The following IGF1R variants were observed in gnomAD, a reference collection of about 807,000 sequenced individuals.
IGF1R encodes the protein insulin-like growth factor 1 receptor.
In IGF1R, 44 loss-of-function variants were observed where a neutral mutation model predicts 144.6. That is an observed-to-expected ratio of 0.30 (90% CI 0.24 to 0.39). The LOEUF is 0.39. Among genes scored for constraint, IGF1R ranks in the 10% least tolerant of loss-of-function variants. The pLI is 1.00. For missense variants in IGF1R, 1,355 were observed against 1,833.7 expected, an observed-to-expected ratio of 0.74 and a Z score of 4.77; for synonymous variants, 795 against 722.8, an observed-to-expected ratio of 1.10 and a Z score of -1.60.
intron 20 of IGF1R, among the ~76,000 whole-genome samples, chr15:98,953,965 G>A (rs1031274655): frequency 1.1e-4 from 17 of 152,298 alleles, no homozygotes; most frequent in African/African-American, 3.6e-4. Context: ...TGGCTGAGGC[G>A]TGGTTCCTAA....
intron 1 of IGF1R, among the ~76,000 whole-genome samples, chr15:98,702,576 C>T (rs573745255): frequency 2.6e-5 from 4 of 152,270 alleles, no homozygotes; most frequent in South Asian, 2.1e-4. Flanking sequence ...GATCTACCTG[C>T]CTTGGGCTAC....
intron 1 of IGF1R, among the ~76,000 whole-genome samples, chr15:98,683,025 C>T (rs2053230625): frequency 6.6e-6 from 1 of 150,668 alleles, no homozygotes; most frequent in Admixed American, 6.7e-5. Context: ...CTCGTGTGCA[C>T]TGCTAGATAT....
intron 2 of IGF1R, among the ~76,000 whole-genome samples, chr15:98,832,103 T>G (rs1203554069): frequency 6.6e-6 from 1 of 152,194 alleles, no homozygotes; most frequent in Non-Finnish European, 1.5e-5. Context: ...GATCCTTTTC[T>G]TTAGACTCCA....
chr15:98,756,985 C>A (rs1156717432), intron 2 of IGF1R, among the ~76,000 whole-genome samples: 1 of 152,134 alleles, frequency 6.6e-6, no homozygotes, highest in Admixed American at 6.5e-5. Flanking sequence ...TTACTTGCAT[C>A]CAAGTACATG....
intron 13 of IGF1R, among the ~76,000 whole-genome samples, chr15:98,926,984 C>G (rs537620218): frequency 1.3e-5 from 2 of 152,248 alleles, no homozygotes; most frequent in Admixed American, 1.3e-4. Context: ...CCTCCATCTC[C>G]TAGAAACAGA....
chr15:98,915,914 ACT>A lies in IGF1R; in HGVS notation c.1829-47_1829-46del, dbSNP rs747686990. 3 of 1,571,370 alleles carry A rather than the reference ACT, an allele frequency of 1.9e-6. No individual in the cohort carries two copies. In the South Asian group the frequency reaches 3.3e-5, roughly 17 times the overall value. The stretch of plus-strand genomic sequence containing the variant: ...GCTTGCCAGAGTATCTGATAGCCTG[ACT>A]CTTAAGTTCATTTCATTTTCTAGAA... On this transcript the variant is annotated intron_variant, in intron 8 of 20. Transcript: ENST00000650285.
At chr15:98,665,570 CTA>C (rs1195071119) in intron 1 of IGF1R, among the ~76,000 whole-genome samples, 6 of 152,288 alleles carry the variant, frequency 3.9e-5, no homozygotes, top group Non-Finnish European at 5.9e-5. Flanking sequence ...GTGAGTGGGA[CTA>C]TGTTTCCAGC....
intron 5 of IGF1R, among the ~76,000 whole-genome samples, chr15:98,908,014 A>C (rs1005355865): frequency 6.6e-6 from 1 of 152,258 alleles, no homozygotes; most frequent in Admixed American, 6.5e-5. Flanking sequence ...AGCTTTGTGC[A>C]CACTGAACTT....
intron 1 of IGF1R, among the ~76,000 whole-genome samples, chr15:98,658,563 T>C (rs1297756683): frequency 2.6e-5 from 4 of 152,204 alleles, no homozygotes; most frequent in Non-Finnish European, 5.9e-5. Flanking sequence ...ATCTGTAAAA[T>C]AGGGACAAGA....
At chr15:98,873,276 CT>C (rs929894986) in intron 2 of IGF1R, among the ~76,000 whole-genome samples, 147 of 152,184 alleles carry the variant, frequency 9.7e-4, no homozygotes, top group African/African-American at 3.5e-3. Context: ...TTCACTGATA[CT>C]TTTTTTCAAA....
At chr15:98,790,687 C>T (rs1343583915) in intron 2 of IGF1R, among the ~76,000 whole-genome samples, 1 of 152,124 alleles carries the variant, frequency 6.6e-6, no homozygotes, top group Non-Finnish European at 1.5e-5. Flanking sequence ...AGAGTCTTCC[C>T]TTAAGGAAAT....
At chr15:98,798,188 A>G (rs531604429) in intron 2 of IGF1R, among the ~76,000 whole-genome samples, 1 of 152,274 alleles carries the variant, frequency 6.6e-6, no homozygotes, top group African/African-American at 2.4e-5. Flanking sequence ...GCTGGGTCAC[A>G]TGTTAGGTGT....
At chr15:98,871,635 A>C (rs2012790967) in intron 2 of IGF1R, among the ~76,000 whole-genome samples, 1 of 152,232 alleles carries the variant, frequency 6.6e-6, no homozygotes, top group Non-Finnish European at 1.5e-5. Flanking sequence ...TCATGGCGGA[A>C]AGTGAAAGGT....
Position 98,770,108 on chromosome 15 carries a change from G to T in IGF1R, c.640+62001G>T, listed in dbSNP as rs150753149. 2.6e-5 allele frequency among the ~76,000 whole-genome samples: 4 copies of T among 152,244 alleles called. 1 individual carries two copies. The highest frequency in any genetic ancestry group is 9.6e-5 in the African/African-American group (4 of 41,552). ...CTCTGCCCTGGTTTTGCTCTCTGAC[G>T]GGGATCTAAATTGGGATTCTTTCCA... is the stretch of plus-strand genomic sequence containing the variant. On this transcript the variant is annotated intron_variant, in intron 2 of 20. Transcript: ENST00000650285.
rs1288337658 is a variant in IGF1R, at chr15:98,675,066, T to C, written c.94+25391T>C. Among the ~76,000 whole-genome samples, 3 of 148,852 alleles carry C rather than the reference T, an allele frequency of 2.0e-5. No individual in the cohort carries two copies. The East Asian group carries it at 6.0e-4, about 30-fold the overall frequency. ...TGCAGTGGTGCAATCTCAGCTCACTTCAACCTCTGCCTCCCAGGTTAAAGC... is the reference window on the plus strand; with the variant it reads ...TGCAGTGGTGCAATCTCAGCTCACTCCAACCTCTGCCTCCCAGGTTAAAGC... On this transcript the variant is annotated intron_variant, in intron 1 of 20. Transcript: ENST00000650285.
At chr15:98,909,762 C>G (rs2014919736) in intron 6 of IGF1R, among the ~76,000 whole-genome samples, 2 of 152,194 alleles carry the variant, frequency 1.3e-5, no homozygotes, top group Admixed American at 6.5e-5. Context: ...GAGCCTGCAG[C>G]CCTGAGTTGA....
intron 2 of IGF1R, among the ~76,000 whole-genome samples, chr15:98,753,795 A>C (rs941886127): frequency 6.6e-6 from 1 of 152,184 alleles, no homozygotes; most frequent in Non-Finnish European, 1.5e-5. Context: ...ATCTTGGAAA[A>C]TGTGAGATAC....
intron 2 of IGF1R, among the ~76,000 whole-genome samples, chr15:98,755,617 G>T (rs190037336): frequency 0.027 from 4,110 of 150,670 alleles, 77 homozygotes; most frequent in East Asian, 0.056. Context: ...GGCAGTGGAG[G>T]CTGAGGCAGG....
chr15:98,794,445 C>G (rs965441447), intron 2 of IGF1R, among the ~76,000 whole-genome samples: 3 of 152,108 alleles, frequency 2.0e-5, no homozygotes, highest in Non-Finnish European at 2.9e-5. Flanking sequence ...AGGAAAAGAC[C>G]AGTGATAAGA....
Sources: allele counts gnomAD v4.1 joint callset (sites outside exome capture counted in the v4.1 genomes callset), GRCh38; gene constraint gnomAD v4.1.1; transcripts MANE v1.5; gene names NCBI Gene and HGNC (gene_info 2026-07-23, HGNC 2026-07-21).